PRTFDC1: variants seen among roughly 807,000 people sequenced by gnomAD.
The protein encoded by PRTFDC1 is phosphoribosyltransferase domain-containing protein 1.
A neutral mutation model predicts 34.6 loss-of-function variants in PRTFDC1; 38 were observed. That is an observed-to-expected ratio of 1.10 (90% CI 0.85 to 1.44). The LOEUF is 1.44. PRTFDC1 is among the 40% of genes most tolerant of loss of function. The probability of loss-of-function intolerance (pLI) is 0.00; values close to 1 mark genes in which losing one functional copy is unlikely to be tolerated. For missense variants in PRTFDC1, 270 were observed against 283.0 expected (o/e 0.95, Z 0.33); for synonymous variants, 93 against 98.1 (o/e 0.95, Z 0.31).
chr10:24,883,191 C>G (rs1848109912), intron 3 of PRTFDC1, among the ~76,000 whole-genome samples: 1 of 151,108 alleles, frequency 6.6e-6, no homozygotes, highest in East Asian at 1.9e-4. Flanking sequence ...TGAAAGTACA[C>G]ATCCATCTTG....
chr10:24,858,458 A>G, intron 4 of PRTFDC1, 49 bp from the exon 5 acceptor site: 1 of 1,585,098 alleles, frequency 6.3e-7, no homozygotes, highest in Non-Finnish European at 8.7e-7. Context: ...AATCTGACTC[A>G]CAGGATACAT....
chr10:24,882,198 C>A (rs1469053104), intron 3 of PRTFDC1, among the ~76,000 whole-genome samples: 1 of 73,768 alleles, frequency 1.4e-5, no homozygotes, highest in African/African-American at 6.2e-5. Context: ...CAGAGCGGAT[C>A]TGCCTCAAAA....
intron 3 of PRTFDC1, 137 bp from the exon 4 acceptor site, chr10:24,872,200 T>A: frequency 1.4e-6 from 1 of 708,238 alleles, no homozygotes; most frequent in Non-Finnish European, 2.3e-6. Context: ...GGATTCATGG[T>A]TGCCTATGGT....
chr10:24,862,729 G>C (rs1847703343), intron 4 of PRTFDC1, among the ~76,000 whole-genome samples: 1 of 151,708 alleles, frequency 6.6e-6, no homozygotes, highest in Non-Finnish European at 1.5e-5. Context: ...CCTGTGTTGA[G>C]CACGTGTATT....
intron 7 of PRTFDC1, among the ~76,000 whole-genome samples, 171 bp downstream of exon 7, chr10:24,855,147 C>T (rs1847550419): frequency 1.3e-5 from 2 of 152,142 alleles, no homozygotes; most frequent in African/African-American, 4.8e-5. Flanking sequence ...TTCTGTTTTC[C>T]CTATCAAGGT....
chr10:24,859,478 T>C (rs1273878195), intron 4 of PRTFDC1, among the ~76,000 whole-genome samples: 1 of 152,182 alleles, frequency 6.6e-6, no homozygotes, highest in Non-Finnish European at 1.5e-5. Flanking sequence ...CAGGCTGAGC[T>C]CAAGTGATCT....
At chr10:24,914,793 G>A (rs1848671516) in intron 3 of PRTFDC1, among the ~76,000 whole-genome samples, 1 of 152,104 alleles carries the variant, frequency 6.6e-6, no homozygotes, top group Admixed American at 6.6e-5. Context: ...GTCAACAAAT[G>A]CTTCATCTTT....
intron 3 of PRTFDC1, among the ~76,000 whole-genome samples, chr10:24,898,763 T>A (rs61854298): frequency 0.12 from 17,745 of 152,206 alleles, 1,271 homozygotes; most frequent in East Asian, 0.29. Flanking sequence ...AGTATACGTG[T>A]ACCACAAGGA....
At chr10:24,891,290 GAT>G (rs1848257283) in intron 3 of PRTFDC1, among the ~76,000 whole-genome samples, 1 of 151,918 alleles carries the variant, frequency 6.6e-6, no homozygotes, top group South Asian at 2.1e-4. Context: ...ACATATACAG[GAT>G]ATATACCCTT....
chr10:24,949,131 C>T (rs1299867074), intron 1 of PRTFDC1, among the ~76,000 whole-genome samples: 1 of 152,122 alleles, frequency 6.6e-6, no homozygotes, highest in African/African-American at 2.4e-5. Flanking sequence ...ACTCTGACAC[C>T]CAGGCTGGAA....
intron 3 of PRTFDC1, among the ~76,000 whole-genome samples, chr10:24,888,596 T>G (rs1000622712): frequency 2.6e-5 from 4 of 152,206 alleles, no homozygotes; most frequent in Admixed American, 2.0e-4. Flanking sequence ...TTTGCTGCCT[T>G]TTAATTCTAT....
At chr10:24,878,881 G>C (rs746196452) in intron 3 of PRTFDC1, among the ~76,000 whole-genome samples, 1 of 152,220 alleles carries the variant, frequency 6.6e-6, no homozygotes, top group Non-Finnish European at 1.5e-5. Context: ...CTACACAAAG[G>C]CTGTCTCAAT....
At chr10:24,905,354 A>G (rs1288924060) in intron 3 of PRTFDC1, among the ~76,000 whole-genome samples, 1 of 120,728 alleles carries the variant, frequency 8.3e-6, no homozygotes. Context: ...AGACAGTCTC[A>G]CTCTGTCGCC....
intron 1 of PRTFDC1, among the ~76,000 whole-genome samples, chr10:24,946,810 C>T (rs1378953318): frequency 6.6e-6 from 1 of 152,166 alleles, no homozygotes. Context: ...GTGCCTCAAA[C>T]CTATATGCCA....
At chr10:24,864,415 T>C (rs1448990407) in intron 4 of PRTFDC1, among the ~76,000 whole-genome samples, 1 of 152,124 alleles carries the variant, frequency 6.6e-6, no homozygotes, top group Non-Finnish European at 1.5e-5. Context: ...GCAGTGAACT[T>C]CACTGTTGTC....
At chr10:24,927,462 C>A (rs1037817326) in intron 3 of PRTFDC1, among the ~76,000 whole-genome samples, 2 of 151,708 alleles carry the variant, frequency 1.3e-5, no homozygotes, top group African/African-American at 4.8e-5. Flanking sequence ...TTGAAGTCTG[C>A]AAAAATGTTT....
intron 3 of PRTFDC1, among the ~76,000 whole-genome samples, chr10:24,887,971 G>A (rs554261047): frequency 6.6e-6 from 1 of 152,200 alleles, no homozygotes; most frequent in African/African-American, 2.4e-5. Flanking sequence ...ATATTGCTTA[G>A]GCTGGTCTCA....
At chr10:24,927,533 A>T (rs1456241266) in intron 3 of PRTFDC1, among the ~76,000 whole-genome samples, 1 of 152,056 alleles carries the variant, frequency 6.6e-6, no homozygotes, top group African/African-American at 2.4e-5. Context: ...TTCAAAGGAA[A>T]TACCCAACTG....
In PRTFDC1 at chr10:24,849,789, A is replaced by T. The variant is rs1847450747; in HGVS notation, c.*55T>A. On this transcript the variant is annotated 3_prime_UTR_variant, in exon 9 of 9. Transcript: ENST00000320152. ...GACAAACTTGACAGCTGGCTTCCCA[A>T]GTACAGGCGTAAATATGATGCTATC... is the stretch of plus-strand genomic sequence containing the variant. 2 of 1,569,018 alleles carry T rather than the reference A, an allele frequency of 1.3e-6. No individual in the cohort carries two copies. The highest frequency in any genetic ancestry group is 1.8e-6 in the Non-Finnish European group (2 of 1,140,682).
Sources: gnomAD v4.1 joint callset for allele counts (sites outside exome capture counted in the v4.1 genomes callset) on GRCh38, gnomAD v4.1.1 for gene constraint, MANE v1.5 for transcripts, NCBI Gene and HGNC (gene_info 2026-07-23, HGNC 2026-07-21) for gene names.